THTPA: variants seen among roughly 807,000 people sequenced by gnomAD.
The protein encoded by THTPA is thiamine-triphosphatase.
Under a neutral mutation model 16.5 loss-of-function variants are expected in THTPA, and 16 were observed. That is an observed-to-expected ratio of 0.97 (90% CI 0.66 to 1.47). The LOEUF (loss-of-function observed/expected upper bound fraction) is 1.47, where lower values mean the gene tolerates loss of function less well. THTPA is among the 40% of genes most tolerant of loss of function. The probability of loss-of-function intolerance (pLI) is 0.00; values close to 1 mark genes in which losing one functional copy is unlikely to be tolerated. For missense variants in THTPA, 281 were observed against 280.9 expected, an observed-to-expected ratio of 1.00 and a Z score of 0.00; for synonymous variants, 110 against 115.5, an observed-to-expected ratio of 0.95 and a Z score of 0.30.
chr14:23,521,898 A>AC, the THTPA span: 1 of 1,524,346 alleles, frequency 6.6e-7, no homozygotes. Context: ...CTCCCACCGA[A>AC]CACCCCTTGG....
At chr14:23,514,552 C>G in the THTPA span, 1 of 152,376 alleles carries the variant, frequency 6.6e-6, no homozygotes, top group African/African-American at 2.4e-5. Context: ...GTCTGATTTT[C>G]TTCTTCGGTA....
the THTPA span, chr14:23,530,306 G>GC: frequency 3.7e-5 from 30 of 819,770 alleles, no homozygotes; most frequent in Non-Finnish European, 5.6e-5. Flanking sequence ...AAAATGGATG[G>GC]CTCAATCAGC....
chr14:23,552,136 T>C (rs147968735), upstream of THTPA, among the ~76,000 whole-genome samples: 62 of 152,218 alleles, frequency 4.1e-4, no homozygotes, highest in African/African-American at 1.3e-3. Flanking sequence ...CCCCGCGAAA[T>C]TGGGTACTAG....
chr14:23,511,792 G>A, the THTPA span: 1 of 152,266 alleles, frequency 6.6e-6, no homozygotes, highest in South Asian at 2.1e-4. Flanking sequence ...GCTGCCTGAG[G>A]AATATACTTC....
At chr14:23,525,103 G>T in the THTPA span, 1 of 1,536,196 alleles carries the variant, frequency 6.5e-7, no homozygotes, top group Non-Finnish European at 8.7e-7. This position sits in a 1 kb window ranked among gnomAD's most constrained non-coding sequence, Gnocchi z 5.9. Flanking sequence ...TAGTCTCAAA[G>T]AAAGACTGCA....
the THTPA span, chr14:23,525,260 C>T: frequency 2.3e-5 from 35 of 1,535,946 alleles, no homozygotes; most frequent in Admixed American, 3.3e-4. The surrounding 1 kb of genome is among the most constrained non-coding windows in gnomAD (Gnocchi z 5.9). Context: ...GGCACGGGTC[C>T]CCCCTGCCTC....
chr14:23,526,121 G>C, the THTPA span: 1 of 1,536,402 alleles, frequency 6.5e-7, no homozygotes, highest in Non-Finnish European at 8.7e-7. Context: ...CCGAGAGCGA[G>C]TCTGATGCAG....
At chr14:23,522,177 C>A in the THTPA span, 21 of 1,494,718 alleles carry the variant, frequency 1.4e-5, no homozygotes, top group Non-Finnish European at 1.9e-5. Flanking sequence ...CTCAGCAGCA[C>A]CTCACATGCC....
Position 23,556,788 on chromosome 14 carries a change from A to C in THTPA, c.31A>C (p.Lys11Gln). MAQGLIEVERKFLPGPGTEER... is the reference protein window; with the variant it reads MAQGLIEVERQFLPGPGTEER... ...CCAGGGCTTGATTGAGGTGGAGCGAAAGTTCCTTCCAGGGCCTGGCACAGA... is the reference window on the plus strand; with the variant it reads ...CCAGGGCTTGATTGAGGTGGAGCGACAGTTCCTTCCAGGGCCTGGCACAGA... The change falls in exon 1 of 2, where the codon AAG becomes CAG. Residue 11 changes from lysine to glutamine, a missense_variant. Lys to Gln is a moderately conservative substitution (Grantham distance 53, BLOSUM62 1). Coordinates refer to ENST00000288014, the MANE Select transcript of THTPA (RefSeq NM_024328.6). 6.2e-7 allele frequency: 1 copy of C among 1,613,666 alleles called. No homozygotes were observed. Among genetic ancestry groups the C allele is most frequent in the Non-Finnish European group, 8.5e-7 (1 of 1,179,816 alleles).
the THTPA span, chr14:23,534,886 G>A: frequency 1.2e-3 from 1,772 of 1,536,112 alleles, 43 homozygotes; most frequent in South Asian, 0.019. The surrounding 1 kb of genome is among the most constrained non-coding windows in gnomAD (Gnocchi z 4.5). Flanking sequence ...CTTGATGCCC[G>A]CCTCACCCCA....
chr14:23,527,836 G>C, the THTPA span: 2 of 1,522,488 alleles, frequency 1.3e-6, no homozygotes, highest in South Asian at 2.4e-5. Context: ...TGGACGAAGT[G>C]TCAGGGAAGG....
At chr14:23,540,346 TAG>T in the THTPA span, among the ~76,000 whole-genome samples, 1 of 152,216 alleles carries the variant, frequency 6.6e-6, no homozygotes, top group Admixed American at 6.5e-5. Flanking sequence ...CACTTTCCCT[TAG>T]AGTCAATTTT....
upstream of THTPA, among the ~76,000 whole-genome samples, chr14:23,554,805 T>C (rs1434573339): frequency 6.6e-6 from 1 of 152,044 alleles, no homozygotes; most frequent in Non-Finnish European, 1.5e-5. Flanking sequence ...TTCTCACCCA[T>C]CATAGGAAGG....
rs1191234301 is a variant in THTPA, at chr14:23,560,046, G to A, written c.*1206G>A. ...GCTGCAGCTGGAGACTCTGAACACAGGAGTTTAACAGAGCACAGTATGGCA... is the reference window on the plus strand; with the variant it reads ...GCTGCAGCTGGAGACTCTGAACACAAGAGTTTAACAGAGCACAGTATGGCA... On this transcript the variant is annotated 3_prime_UTR_variant, in exon 2 of 2. Transcript: ENST00000288014. 10 of 1,580,616 alleles carry A rather than the reference G, an allele frequency of 6.3e-6. No individual in the cohort carries two copies. Among genetic ancestry groups the A allele is most frequent in the Non-Finnish European group, 8.7e-6 (10 of 1,153,936 alleles).
At chr14:23,528,551 G>C in the THTPA span, 1 of 961,910 alleles carries the variant, frequency 1.0e-6, no homozygotes, top group Non-Finnish European at 1.2e-6. Context: ...ATTTCCTCTG[G>C]GCATTTTCTG....
chr14:23,527,896 C>G, the THTPA span: 70 of 1,074,772 alleles, frequency 6.5e-5, no homozygotes, highest in Non-Finnish European at 5.3e-5. Context: ...GGCCCGCCCC[C>G]ACTCCTTTTT....
the THTPA span, chr14:23,533,750 G>C: frequency 6.4e-7 from 1 of 1,556,810 alleles, no homozygotes. This position sits in a 1 kb window ranked among gnomAD's most constrained non-coding sequence, Gnocchi z 4.8. Context: ...GACTGCATAT[G>C]GATGCTGAGG....
chr14:23,546,856 T>A, the THTPA span, among the ~76,000 whole-genome samples: 1 of 152,182 alleles, frequency 6.6e-6, no homozygotes, highest in Non-Finnish European at 1.5e-5. The surrounding 1 kb of genome is among the most constrained non-coding windows in gnomAD (Gnocchi z 4.7). Context: ...CAGCCACCAC[T>A]GTCCTTCCTT....
the THTPA span, among the ~76,000 whole-genome samples, chr14:23,542,584 A>G: frequency 1.3e-5 from 2 of 152,116 alleles, no homozygotes; most frequent in Admixed American, 6.5e-5. Flanking sequence ...CTCTCGTTCT[A>G]CATACCACAG....
Sources: allele counts gnomAD v4.1 joint callset (sites outside exome capture counted in the v4.1 genomes callset), GRCh38; gene constraint gnomAD v4.1.1; non-coding constraint Gnocchi (gnomAD v3.1); transcripts MANE v1.5; gene names NCBI Gene and HGNC (gene_info 2026-07-23, HGNC 2026-07-21).